Variants in SQOR observed in about 807,000 individuals in gnomAD.
SQOR encodes the protein sulfide:quinone oxidoreductase, mitochondrial.
SQOR carries 39 observed loss-of-function variants against 48.6 expected under a neutral mutation model. The observed-to-expected ratio is 0.80, with a 90% CI of 0.62 to 1.05. The LOEUF is 1.05. Among genes scored for constraint, SQOR ranks in the 50% least tolerant of loss-of-function variants. SQOR has a pLI of 0.00. For missense variants in SQOR, 561 were observed against 559.9 expected, an observed-to-expected ratio of 1.00 and a Z score of -0.02; for synonymous variants, 220 against 206.2, an observed-to-expected ratio of 1.07 and a Z score of -0.57.
chr15:45,635,581 G>T (rs1053019284), intron 1 of SQOR, among the ~76,000 whole-genome samples: 2 of 152,168 alleles, frequency 1.3e-5, no homozygotes, highest in African/African-American at 4.8e-5. Context: ...AAACCTGAAG[G>T]GGAGAGGATT....
At chr15:45,660,620 G>C (rs1261950727) in intron 2 of SQOR, among the ~76,000 whole-genome samples, 1 of 152,162 alleles carries the variant, frequency 6.6e-6, no homozygotes, top group Non-Finnish European at 1.5e-5. Context: ...TACTTTCCCT[G>C]CTGAGTCTGA....
At chr15:45,666,052 G>T (rs560871785) in intron 3 of SQOR, among the ~76,000 whole-genome samples, 30 of 151,316 alleles carry the variant, frequency 2.0e-4, no homozygotes, top group Non-Finnish European at 4.1e-4. Flanking sequence ...CCTTCTCCAG[G>T]CTTAACCTGG....
At chr15:45,685,660 C>A (rs559468582) in intron 7 of SQOR, among the ~76,000 whole-genome samples, 1 of 152,268 alleles carries the variant, frequency 6.6e-6, no homozygotes, top group South Asian at 2.1e-4. Context: ...TGTGGTGGCA[C>A]CCACTGGATG....
At chr15:45,678,298 T>C (rs1384467583) in intron 6 of SQOR, among the ~76,000 whole-genome samples, 1 of 152,206 alleles carries the variant, frequency 6.6e-6, no homozygotes, top group Non-Finnish European at 1.5e-5. Context: ...ATCTTTACTA[T>C]GGTGGTTGCA....
At chr15:45,659,540 C>G (rs60567829) in intron 2 of SQOR, among the ~76,000 whole-genome samples, 4,462 of 152,236 alleles carry the variant, frequency 0.029, 268 homozygotes, top group East Asian at 0.26. Flanking sequence ...GAGGGATGGG[C>G]AGGTGGCTTT....
intron 6 of SQOR, among the ~76,000 whole-genome samples, chr15:45,681,952 T>C (rs1270950621): frequency 6.6e-6 from 1 of 152,198 alleles, no homozygotes; most frequent in Non-Finnish European, 1.5e-5. Flanking sequence ...TAAATTGGTG[T>C]TCTGACAGTT....
At chr15:45,641,147 A>T (rs890886172) in intron 1 of SQOR, among the ~76,000 whole-genome samples, 6 of 152,122 alleles carry the variant, frequency 3.9e-5, no homozygotes, top group Admixed American at 3.9e-4. Context: ...CATTTTCCTT[A>T]TGTAAATATA....
Position 45,689,014 on chromosome 15 carries a change from A to G in SQOR, c.1117-25A>G, listed in dbSNP as rs201496713. 6.0e-5 allele frequency: 96 copies of G among 1,607,692 alleles called. No homozygotes were observed. In the East Asian group the frequency reaches 9.6e-4, roughly 16 times the overall value. On this transcript the variant is annotated intron_variant, in intron 8 of 9. Transcript: ENST00000260324. The stretch of plus-strand genomic sequence containing the variant: ...GTACCATGAAAAAAATCTACTTTCC[A>G]ACTCAGTCTGATTTACAATTTTAGT...
At chr15:45,679,703 C>T (rs572910463) in intron 6 of SQOR, among the ~76,000 whole-genome samples, 5 of 152,220 alleles carry the variant, frequency 3.3e-5, no homozygotes, top group Admixed American at 2.0e-4. Context: ...AACTAAAGAC[C>T]AAAGAGATGA....
chr15:45,636,703 A>G (rs940562166), intron 1 of SQOR, among the ~76,000 whole-genome samples: 1 of 152,330 alleles, frequency 6.6e-6, no homozygotes, highest in South Asian at 2.1e-4. Flanking sequence ...CGCACGGCCA[A>G]TATCTGTGAT....
At chr15:45,633,078 G>A (rs543724609), upstream of SQOR, among the ~76,000 whole-genome samples, 11 of 151,474 alleles carry the variant, frequency 7.3e-5, no homozygotes, top group African/African-American at 2.2e-4. Flanking sequence ...AGCTGTTATC[G>A]CACCATTGCA....
intron 2 of SQOR, among the ~76,000 whole-genome samples, chr15:45,659,861 C>T (rs558397182): frequency 2.0e-5 from 3 of 152,184 alleles, no homozygotes; most frequent in African/African-American, 7.2e-5. Context: ...CAATTCAACC[C>T]ATGACACTCT....
At chr15:45,674,327 C>G (rs1269148490) in intron 5 of SQOR, among the ~76,000 whole-genome samples, 3 of 152,026 alleles carry the variant, frequency 2.0e-5, no homozygotes, top group Non-Finnish European at 4.4e-5. Flanking sequence ...GTAATTCCAG[C>G]TACTGGGGAG....
At chr15:45,675,909 T>A (rs1419689369) in intron 5 of SQOR, among the ~76,000 whole-genome samples, 192 bp from the exon 6 acceptor site, 1 of 152,186 alleles carries the variant, frequency 6.6e-6, no homozygotes, top group Non-Finnish European at 1.5e-5. Flanking sequence ...CTCAAGTGTG[T>A]ACTTAGTTGT....
chr15:45,649,955 G>A (rs1889439848), intron 1 of SQOR, among the ~76,000 whole-genome samples: 1 of 152,042 alleles, frequency 6.6e-6, no homozygotes, highest in South Asian at 2.1e-4. Context: ...TGGGGGTCCT[G>A]CCTCAGGCTC....
At chr15:45,634,198 C>CTATATATATATATGTATA (rs1894952074), upstream of SQOR, among the ~76,000 whole-genome samples, 1 of 43,844 alleles carries the variant, frequency 2.3e-5, no homozygotes, top group African/African-American at 7.3e-5. Context: ...ACAACAACAA[C>CTATATATATATATGTATA]TATATATATA....
rs1188958126 is a variant in SQOR at position 45,676,152 on chromosome 15, A to G, written c.706A>G (p.Ile236Val). The G allele has an allele frequency of 2.5e-6, 4 of 1,613,992 alleles. No individual in the cohort carries two copies. Among genetic ancestry groups the G allele is most frequent in the African/African-American group, 1.3e-5 (1 of 74,902 alleles). The change falls in exon 6 of 10, where the codon ATT (isoleucine) becomes GTT (valine). Residue 236 changes from isoleucine to valine, a missense_variant. Coordinates refer to ENST00000260324, the MANE Select transcript of SQOR (RefSeq NM_021199.4). The part of the protein sequence containing the change: ...NIIFNTSLGA[I>V]FGVKKYADAL... ...CATTTTCAACACTTCTCTTGGAGCC[A>G]TTTTCGGGGTTAAGAAGTATGCAGA...
At chr15:45,668,335 TG>T (rs946861956) in intron 3 of SQOR, among the ~76,000 whole-genome samples, 2 of 152,246 alleles carry the variant, frequency 1.3e-5, no homozygotes, top group African/African-American at 4.8e-5. Context: ...CACAAGCAAC[TG>T]AAATCATTCA....
At chr15:45,661,289 T>TAAAAAAAAAAA (rs777334925) in intron 2 of SQOR, among the ~76,000 whole-genome samples, 9 of 84,376 alleles carry the variant, frequency 1.1e-4, no homozygotes, top group East Asian at 7.7e-4. Context: ...AGACTCTGTC[T>TAAAAAAAAAAA]TAAAAAAAAA....
Sources: gnomAD v4.1 joint callset for allele counts (sites outside exome capture counted in the v4.1 genomes callset) on GRCh38, gnomAD v4.1.1 for gene constraint, MANE v1.5 for transcripts, NCBI Gene and HGNC (gene_info 2026-07-23, HGNC 2026-07-21) for gene names.